CLMP: variants seen among roughly 807,000 people sequenced by gnomAD.
CLMP encodes the protein CXADR-like membrane protein.
A neutral mutation model predicts 45.2 loss-of-function variants in CLMP; 27 were observed. The ratio of observed to expected loss-of-function variants is 0.60; its 90% CI spans 0.44 to 0.82. CLMP has a LOEUF of 0.82. CLMP is among the 40% of genes least tolerant of loss of function. CLMP has a pLI of 0.00. For synonymous variants in CLMP, 167 were observed against 171.4 expected (o/e 0.97, Z 0.20); for missense variants, 403 against 448.4 (o/e 0.90, Z 0.91).
chr11:123,140,341 C>A (rs1861136886), intron 1 of CLMP, among the ~76,000 whole-genome samples: 1 of 152,002 alleles, frequency 6.6e-6, no homozygotes, highest in Admixed American at 6.6e-5. Flanking sequence ...TCTGAAGAAA[C>A]CTCTGAAAGG....
chr11:123,172,078 G>T (rs1861642925), intron 1 of CLMP, among the ~76,000 whole-genome samples: 1 of 151,612 alleles, frequency 6.6e-6, no homozygotes, highest in African/African-American at 2.4e-5. Context: ...AAATTTCTTT[G>T]TCATCTGTTT....
intron 1 of CLMP, among the ~76,000 whole-genome samples, chr11:123,100,709 C>T (rs1866046452): frequency 6.6e-6 from 1 of 152,156 alleles, no homozygotes; most frequent in African/African-American, 2.4e-5. Flanking sequence ...TCTCTTGTGC[C>T]TCTAAATGAA....
At chr11:123,168,312 G>C (rs983694723) in intron 1 of CLMP, among the ~76,000 whole-genome samples, 3 of 151,806 alleles carry the variant, frequency 2.0e-5, no homozygotes, top group African/African-American at 7.3e-5. Flanking sequence ...CTGGGGCCAC[G>C]GCACTCCAGC....
In CLMP at chr11:123,073,170, C is replaced by T. The variant is rs148725507; in HGVS notation, c.*304G>A. 1,538 of 270,028 alleles carry T rather than the reference C, an allele frequency of 5.7e-3. 12 individuals carry two copies. The highest frequency in any genetic ancestry group is 0.023 in the Middle Eastern group (19 of 834). The allele number at this position is 270,028 out of a possible 1,614,324, so 16.7% of individuals were successfully genotyped here. On this transcript the variant is annotated 3_prime_UTR_variant, in exon 7 of 7. Transcript: ENST00000448775. Reference sequence around the variant, plus strand: ...ACATTAAAAGTTTTAGGTATATTCACCTCACCTTTCCCCAACCTTCTCACC... The same window carrying T: ...ACATTAAAAGTTTTAGGTATATTCATCTCACCTTTCCCCAACCTTCTCACC...
intron 1 of CLMP, among the ~76,000 whole-genome samples, chr11:123,141,341 C>T (rs1028651167): frequency 9.9e-5 from 15 of 151,880 alleles, no homozygotes; most frequent in African/African-American, 1.7e-4. Context: ...CCCGCCACCA[C>T]GCCAGGCTAA....
In CLMP at chr11:123,195,157, G is replaced by T. The variant is rs1861965485; in HGVS notation, c.-217C>A. ...GCCCCACCAGCTGGCGCCCGGACGG[G>T]AGCCGGGACCAGGGTCAGGGAGGAA... On this transcript the variant is annotated 5_prime_UTR_variant, in exon 1 of 7. Transcript: ENST00000448775. The T allele has an allele frequency of 1.0e-5, 3 of 296,406 alleles. No individual in the cohort carries two copies. Among genetic ancestry groups the T allele is most frequent in the African/African-American group, 6.6e-5 (3 of 45,694 alleles). 18.4% of individuals were successfully genotyped at this position (296,406 alleles called of 1,614,324 possible).
At chr11:123,118,649 TG>T (rs1219677262) in intron 1 of CLMP, among the ~76,000 whole-genome samples, 1 of 152,174 alleles carries the variant, frequency 6.6e-6, no homozygotes, top group Non-Finnish European at 1.5e-5. Flanking sequence ...CTCATTAAAG[TG>T]GCAAGAATAG....
intron 1 of CLMP, among the ~76,000 whole-genome samples, chr11:123,145,821 A>T (rs999646990): frequency 7.2e-5 from 11 of 152,216 alleles, no homozygotes; most frequent in Non-Finnish European, 1.5e-4. Context: ...AAGGCTGAAT[A>T]GTCCCGCACT....
intron 1 of CLMP, among the ~76,000 whole-genome samples, chr11:123,167,947 C>G (rs1861580545): frequency 6.8e-6 from 1 of 146,310 alleles, no homozygotes; most frequent in Non-Finnish European, 1.5e-5. Context: ...TTATCAAGCC[C>G]AGGAAGGAAA....
Position 123,117,500 on chromosome 11 carries a change from C to T in CLMP, c.29-19548G>A, listed in dbSNP as rs527564578. On this transcript the variant is annotated intron_variant, in intron 1 of 6. Coordinates refer to ENST00000448775, the MANE Select transcript of CLMP (RefSeq NM_024769.5). ...GGAGTGCAGTGGTACGATCTCAGCT[C>T]ACTGCAGCCTCTGCCTCCTGAGTTC... Among the ~76,000 whole-genome samples, 17 of 152,254 alleles carry T rather than the reference C, an allele frequency of 1.1e-4. No individual in the cohort carries two copies. The South Asian group carries it at 3.3e-3, about 30-fold the overall frequency.
intron 5 of CLMP, among the ~76,000 whole-genome samples, chr11:123,082,848 C>G (rs1445958310): frequency 6.6e-6 from 1 of 152,126 alleles, no homozygotes; most frequent in African/African-American, 2.4e-5. Context: ...CTCAACTGAT[C>G]TGCCCACCTG....
intron 1 of CLMP, among the ~76,000 whole-genome samples, chr11:123,181,915 C>G (rs1861775409): frequency 6.6e-6 from 1 of 152,200 alleles, no homozygotes. Context: ...CCTGTCATTC[C>G]CTCCCCTGGG....
In CLMP at chr11:123,185,457, C is replaced by A. The variant is rs1861821242; in HGVS notation, c.28+9456G>T. Among the ~76,000 whole-genome samples, 5 of 152,162 alleles carry A rather than the reference C, an allele frequency of 3.3e-5. No homozygotes were observed. The South Asian group carries it at 1.0e-3, about 31-fold the overall frequency. ...AGCAGCATGTGGGGACGGTCACCTG[C>A]ATTCCTCAGGGCTTGGGAAGCTGCA... On this transcript the variant is annotated intron_variant, in intron 1 of 6. Coordinates refer to ENST00000448775, the MANE Select transcript of CLMP (RefSeq NM_024769.5).
At chr11:123,079,691 C>T (rs545088030) in intron 5 of CLMP, among the ~76,000 whole-genome samples, 2 of 152,096 alleles carry the variant, frequency 1.3e-5, no homozygotes, top group African/African-American at 2.4e-5. Flanking sequence ...GTGATCCGCC[C>T]GCCTCGACCT....
rs558742624 is a variant in CLMP, at chr11:123,175,566, T to C, written c.28+19347A>G. ...CCAGGCTGACGGGCTCAAGAGATCC[T>C]CCCTCCTCAGCCTCCTGAGTAGTTG... On this transcript the variant is annotated intron_variant, in intron 1 of 6. Coordinates refer to ENST00000448775, the MANE Select transcript of CLMP (RefSeq NM_024769.5). Among the ~76,000 whole-genome samples, 8 of 152,302 alleles carry C rather than the reference T, an allele frequency of 5.3e-5. No individual in the cohort carries two copies. In the South Asian group the frequency reaches 1.7e-3, roughly 32 times the overall value.
chr11:123,192,287 A>G (rs1861918448), intron 1 of CLMP, among the ~76,000 whole-genome samples: 1 of 152,254 alleles, frequency 6.6e-6, no homozygotes, highest in Non-Finnish European at 1.5e-5. Flanking sequence ...TGAGACTACT[A>G]AAGGTTTTTG....
intron 1 of CLMP, among the ~76,000 whole-genome samples, chr11:123,107,333 C>T (rs554886164): frequency 1.9e-3 from 285 of 151,928 alleles, no homozygotes; most frequent in African/African-American, 6.5e-3. Context: ...TGGGTTCAAG[C>T]GATTCTCCTG....
intron 1 of CLMP, among the ~76,000 whole-genome samples, chr11:123,176,327 A>T (rs1417433443): frequency 6.6e-6 from 1 of 152,232 alleles, no homozygotes; most frequent in Admixed American, 6.5e-5. Flanking sequence ...GAAATAAAAA[A>T]AAAATTGAGA....
intron 1 of CLMP, among the ~76,000 whole-genome samples, chr11:123,192,465 TAGCA>T (rs1861920566): frequency 6.6e-6 from 1 of 152,126 alleles, no homozygotes; most frequent in African/African-American, 2.4e-5. Context: ...GTTACTCGGG[TAGCA>T]GTGTGCAGGA....
Sources: allele counts gnomAD v4.1 joint callset (sites outside exome capture counted in the v4.1 genomes callset), GRCh38; gene constraint gnomAD v4.1.1; transcripts MANE v1.5; gene names NCBI Gene and HGNC (gene_info 2026-07-23, HGNC 2026-07-21).